The following PABPC4L variants were observed in gnomAD, a reference collection of about 807,000 sequenced individuals.
PABPC4L encodes the protein poly(A) binding protein cytoplasmic 4 like, also known as polyadenylate-binding protein 4-like.
For missense variants in PABPC4L, 452 were observed against 451.4 expected (o/e 1.00, Z -0.01); for synonymous variants, 169 against 164.1 (o/e 1.03, Z -0.23).
chr4:134,146,691 G>C, the PABPC4L span, among the ~76,000 whole-genome samples: 2 of 152,008 alleles, frequency 1.3e-5, no homozygotes, highest in Admixed American at 1.3e-4. Context: ...AATCAAGAGG[G>C]TACCCAATAG....
At chr4:133,955,091 G>T in the PABPC4L span, among the ~76,000 whole-genome samples, 1 of 151,938 alleles carries the variant, frequency 6.6e-6, no homozygotes, top group Non-Finnish European at 1.5e-5. Context: ...ACAGAAACAT[G>T]AGAAAAATTG....
chr4:134,162,953 G>T, the PABPC4L span, among the ~76,000 whole-genome samples: 1 of 151,906 alleles, frequency 6.6e-6, no homozygotes, highest in African/African-American at 2.4e-5. Flanking sequence ...TCATTTAAAT[G>T]AACTATAGAA....
At chr4:133,973,645 AC>A in the PABPC4L span, among the ~76,000 whole-genome samples, 1 of 152,166 alleles carries the variant, frequency 6.6e-6, no homozygotes, top group East Asian at 1.9e-4. Flanking sequence ...CCAAAACTCC[AC>A]ATCACAGGGA....
At chr4:134,024,923 A>ATT in the PABPC4L span, among the ~76,000 whole-genome samples, 14 of 128,480 alleles carry the variant, frequency 1.1e-4, no homozygotes, top group Non-Finnish European at 1.3e-4. Flanking sequence ...TAATTATGTA[A>ATT]TTTTTTTTTT....
the PABPC4L span, among the ~76,000 whole-genome samples, chr4:134,017,775 A>G: frequency 1.3e-5 from 2 of 151,974 alleles, no homozygotes; most frequent in Non-Finnish European, 2.9e-5. Context: ...AAAACCCCAC[A>G]ATATCACCCC....
At chr4:134,025,374 C>T in the PABPC4L span, among the ~76,000 whole-genome samples, 1 of 150,316 alleles carries the variant, frequency 6.7e-6, no homozygotes, top group African/African-American at 2.4e-5. Flanking sequence ...TATGACAGGC[C>T]TACACTAGCT....
chr4:134,019,790 A>T, the PABPC4L span, among the ~76,000 whole-genome samples: 3 of 152,134 alleles, frequency 2.0e-5, no homozygotes, highest in Non-Finnish European at 2.9e-5. Context: ...GATCTTTAGG[A>T]GGTTCCTGCT....
chr4:134,084,085 G>C, the PABPC4L span, among the ~76,000 whole-genome samples: 3 of 151,962 alleles, frequency 2.0e-5, no homozygotes, highest in South Asian at 6.2e-4. Flanking sequence ...GTCTTGCTCT[G>C]CTGTCCAGGC....
chr4:134,136,008 G>C, the PABPC4L span, among the ~76,000 whole-genome samples: 73,791 of 151,762 alleles, frequency 0.49, 21,537 homozygotes, highest in East Asian at 0.98. Context: ...ATAAATATTT[G>C]AAGCATTTCA....
At chr4:134,041,496 A>G in the PABPC4L span, among the ~76,000 whole-genome samples, 1 of 151,990 alleles carries the variant, frequency 6.6e-6, no homozygotes, top group Admixed American at 6.6e-5. Flanking sequence ...CAAACACCAC[A>G]TGTTCTCACT....
At chr4:134,182,357 A>ACT in the PABPC4L span, among the ~76,000 whole-genome samples, 4,400 of 151,352 alleles carry the variant, frequency 0.029, 207 homozygotes, top group African/African-American at 0.1. Context: ...GAGGGAAGGG[A>ACT]CTCTATTATA....
At chr4:133,965,267 G>A in the PABPC4L span, among the ~76,000 whole-genome samples, 1 of 152,146 alleles carries the variant, frequency 6.6e-6, no homozygotes, top group East Asian at 1.9e-4. Context: ...AACCAAGGAG[G>A]TGAAAGACCT....
the PABPC4L span, among the ~76,000 whole-genome samples, chr4:134,031,261 T>C: frequency 3.9e-5 from 6 of 152,048 alleles, no homozygotes; most frequent in Non-Finnish European, 8.8e-5. Context: ...ATCTGTCCTC[T>C]AATTTGTTTT....
chr4:134,042,268 T>C, the PABPC4L span, among the ~76,000 whole-genome samples: 1 of 152,026 alleles, frequency 6.6e-6, no homozygotes, highest in Non-Finnish European at 1.5e-5. Flanking sequence ...TGCAGAGTGG[T>C]ACAATGGACA....
chr4:134,106,493 T>C, the PABPC4L span, among the ~76,000 whole-genome samples: 1 of 151,318 alleles, frequency 6.6e-6, no homozygotes, highest in East Asian at 1.9e-4. Context: ...AAAAGAAATG[T>C]AACAGATCAG....
At chr4:134,121,287 CT>C in the PABPC4L span, among the ~76,000 whole-genome samples, 3 of 151,206 alleles carry the variant, frequency 2.0e-5, no homozygotes, top group African/African-American at 7.3e-5. Context: ...TTTATATTAT[CT>C]TTTTTTATTA....
chr4:134,092,830 C>A, the PABPC4L span, among the ~76,000 whole-genome samples: 2 of 152,070 alleles, frequency 1.3e-5, no homozygotes, highest in Non-Finnish European at 2.9e-5. Context: ...ACACTCCCGC[C>A]TCATTTGGAA....
At chr4:134,083,965 G>A in the PABPC4L span, among the ~76,000 whole-genome samples, 4 of 152,030 alleles carry the variant, frequency 2.6e-5, no homozygotes, top group Non-Finnish European at 4.4e-5. Context: ...AAATGTTCTT[G>A]TCATTTCTTA....
chr4:134,152,516 T>G, the PABPC4L span, among the ~76,000 whole-genome samples: 1 of 152,100 alleles, frequency 6.6e-6, no homozygotes, highest in African/African-American at 2.4e-5. Flanking sequence ...CCTGAGGATA[T>G]ATCCTCCGAA....
Sources: gnomAD v4.1 joint callset for allele counts (sites outside exome capture counted in the v4.1 genomes callset) on GRCh38, gnomAD v4.1.1 for gene constraint, MANE v1.5 for transcripts, NCBI Gene and HGNC (gene_info 2026-07-23, HGNC 2026-07-21) for gene names.